DACH2: variants seen among roughly 807,000 people sequenced by gnomAD.
DACH2 encodes the protein dachshund family transcription factor 2.
A neutral mutation model predicts 35.8 loss-of-function variants in DACH2; 17 were observed. The observed-to-expected ratio is 0.48, with a 90% CI of 0.33 to 0.71. DACH2 has a LOEUF of 0.71. Among genes scored for constraint, DACH2 ranks in the 30% least tolerant of loss-of-function variants. The pLI is 0.02. For missense variants in DACH2, 469 were observed against 472.7 expected (o/e 0.99, Z 0.07); for synonymous variants, 195 against 177.3 (o/e 1.10, Z -0.79).
chrX:86,312,289 T>G (rs929168798), intron 1 of DACH2, among the ~76,000 whole-genome samples: 2 of 112,342 alleles, frequency 1.8e-5, no homozygotes, highest in African/African-American at 6.5e-5. Context: ...ATTTAAGTAT[T>G]GTTAACTTTA....
At position 86,532,526 on chromosome X, in the gene DACH2, T is replaced by C. The variant is rs547261348; in HGVS notation, c.640+18135T>C. 1.7e-3 allele frequency among the ~76,000 whole-genome samples: 187 copies of C among 109,979 alleles called. 1 individual carries two copies. Among genetic ancestry groups the C allele is most frequent in the African/African-American group, 5.7e-3 (173 of 30,154 alleles). On this transcript the variant is annotated intron_variant, in intron 3 of 11. Transcript: ENST00000373125. The stretch of plus-strand genomic sequence containing the variant: ...TCTCTTTCTCTCTATTTTGCTACCA[T>C]GTAATATGTGCCTTGCTTCTCCTTC...
At chrX:86,653,717 G>A (rs868382051) in intron 4 of DACH2, among the ~76,000 whole-genome samples, 8 of 96,085 alleles carry the variant, frequency 8.3e-5, no homozygotes, top group Middle Eastern at 6.5e-3. Flanking sequence ...CCAGGCTGGA[G>A]TGCAGTGGCA....
intron 1 of DACH2, among the ~76,000 whole-genome samples, chrX:86,314,065 G>A (rs1343350760): frequency 9.1e-6 from 1 of 110,426 alleles, no homozygotes; most frequent in African/African-American, 3.3e-5. Context: ...GTTCTCACTG[G>A]TCTACTGCTT....
At chrX:86,812,324 T>C (rs1038010691) in intron 7 of DACH2, among the ~76,000 whole-genome samples, 7 of 111,513 alleles carry the variant, frequency 6.3e-5, no homozygotes, top group African/African-American at 2.3e-4. Flanking sequence ...TAAATGGACA[T>C]GAGGAGTCTT....
At chrX:86,299,869 T>A (rs2034540823) in intron 1 of DACH2, among the ~76,000 whole-genome samples, 1 of 111,986 alleles carries the variant, frequency 8.9e-6, no homozygotes, top group Non-Finnish European at 1.9e-5. Context: ...AGTAACAACA[T>A]AAAACTTATT....
chrX:86,410,132 C>A (rs1161232581), intron 2 of DACH2, among the ~76,000 whole-genome samples: 1 of 111,839 alleles, frequency 8.9e-6, no homozygotes, highest in Non-Finnish European at 1.9e-5. Flanking sequence ...TAACTTGCAC[C>A]GTTAATAGCA....
chrX:86,674,135 T>G (rs1467871384), intron 4 of DACH2, among the ~76,000 whole-genome samples: 1 of 112,527 alleles, frequency 8.9e-6, no homozygotes, highest in African/African-American at 3.2e-5. Context: ...ATTGTAACCC[T>G]CAGCTCTTCT....
At chrX:86,827,997 TG>T in intron 11 of DACH2, 1 of 379,004 alleles carries the variant, frequency 2.6e-6, no homozygotes, top group Non-Finnish European at 4.5e-6. Context: ...TAATAATGAC[TG>T]AACACATTTT....
chrX:86,256,784 C>T (rs1246042158), intron 1 of DACH2, among the ~76,000 whole-genome samples: 2 of 111,107 alleles, frequency 1.8e-5, no homozygotes, highest in Admixed American at 1.9e-4. Context: ...AGACCAAAAC[C>T]TTTGAGAACT....
At chrX:86,361,516 A>T (rs962967852) in intron 1 of DACH2, among the ~76,000 whole-genome samples, 2 of 111,131 alleles carry the variant, frequency 1.8e-5, no homozygotes, top group African/African-American at 6.5e-5. Flanking sequence ...CATTCTGTTA[A>T]TATTTTATTT....
intron 2 of DACH2, among the ~76,000 whole-genome samples, chrX:86,395,400 A>G (rs964859373): frequency 4.5e-5 from 5 of 110,632 alleles, no homozygotes; most frequent in Non-Finnish European, 7.6e-5. Flanking sequence ...TTTTATTATT[A>G]TTATACTTTA....
intron 1 of DACH2, among the ~76,000 whole-genome samples, chrX:86,299,964 A>T (rs2034543197): frequency 8.9e-6 from 1 of 111,938 alleles, no homozygotes; most frequent in Non-Finnish European, 1.9e-5. Flanking sequence ...AACTTTTGTT[A>T]CATGCATAGA....
chrX:86,711,802 C>G (rs769370655), intron 5 of DACH2, among the ~76,000 whole-genome samples: 1 of 112,001 alleles, frequency 8.9e-6, no homozygotes, highest in Admixed American at 9.5e-5. Flanking sequence ...GAGTTTTAAG[C>G]CTTTCATGGT....
At chrX:86,381,334 C>T (rs966089322) in intron 2 of DACH2, among the ~76,000 whole-genome samples, 4 of 110,806 alleles carry the variant, frequency 3.6e-5, no homozygotes, top group African/African-American at 1.3e-4. Context: ...ATATTGATTC[C>T]GATCACTTAG....
rs527973983 is a variant in DACH2, at chrX:86,456,496, T to C, written c.528-57783T>C. ...CAATAACAAAATATTCCTAATTCCT[T>C]CTTTCTATCCCTTTTATCATTGCTG... On this transcript the variant is annotated intron_variant, in intron 2 of 11. Transcript: ENST00000373125. Among the ~76,000 whole-genome samples, 24 of 111,870 alleles carry C rather than the reference T, an allele frequency of 2.1e-4. No individual in the cohort carries two copies. In the South Asian group the frequency reaches 8.5e-3, roughly 40 times the overall value.
At chrX:86,808,876 T>C (rs984141052) in intron 7 of DACH2, among the ~76,000 whole-genome samples, 4 of 111,380 alleles carry the variant, frequency 3.6e-5, no homozygotes, top group Admixed American at 2.9e-4. Flanking sequence ...ATTAGAGTCA[T>C]GTAGAGAGCC....
chrX:86,395,819 G>C (rs1309988749), intron 2 of DACH2, among the ~76,000 whole-genome samples: 1 of 111,855 alleles, frequency 8.9e-6, no homozygotes, highest in Non-Finnish European at 1.9e-5. Flanking sequence ...CCAAGTCTTT[G>C]CTATTGTGAA....
intron 2 of DACH2, among the ~76,000 whole-genome samples, chrX:86,411,486 A>G (rs1483558974): frequency 9.0e-6 from 1 of 110,695 alleles, no homozygotes; most frequent in Non-Finnish European, 1.9e-5. Context: ...ATTATACATA[A>G]TCTTCAAATG....
intron 4 of DACH2, among the ~76,000 whole-genome samples, chrX:86,688,925 TTTTAC>T (rs2040978972): frequency 8.9e-6 from 1 of 111,798 alleles, no homozygotes; most frequent in East Asian, 2.8e-4. Flanking sequence ...TTTTCATTCT[TTTTAC>T]TTTACTTTAA....
Sources: gnomAD v4.1 joint callset for allele counts (sites outside exome capture counted in the v4.1 genomes callset) on GRCh38, gnomAD v4.1.1 for gene constraint, MANE v1.5 for transcripts, NCBI Gene and HGNC (gene_info 2026-07-23, HGNC 2026-07-21) for gene names.